PTPRT: variants seen among roughly 807,000 people sequenced by gnomAD.
The protein encoded by PTPRT is protein tyrosine phosphatase receptor type T, also known as receptor-type tyrosine-protein phosphatase T.
PTPRT carries 56 observed loss-of-function variants against 176.8 expected under a neutral mutation model. The ratio of observed to expected loss-of-function variants is 0.32; its 90% CI spans 0.26 to 0.40. The LOEUF is 0.40. Among genes scored for constraint, PTPRT ranks in the 10% least tolerant of loss-of-function variants. PTPRT has a pLI of 1.00. For synonymous variants in PTPRT, 783 were observed against 739.0 expected (o/e 1.06, Z -0.96); for missense variants, 1,540 against 1,908.2 (o/e 0.81, Z 3.60).
At chr20:42,320,089 C>A (rs994110340) in intron 11 of PTPRT, among the ~76,000 whole-genome samples, 1 of 152,118 alleles carries the variant, frequency 6.6e-6, no homozygotes, top group Non-Finnish European at 1.5e-5. Flanking sequence ...ATTACTTATG[C>A]CAAGGATCTC....
chr20:42,337,281 C>G (rs140242677), intron 11 of PTPRT, among the ~76,000 whole-genome samples: 12 of 152,254 alleles, frequency 7.9e-5, no homozygotes, highest in African/African-American at 2.9e-4. Flanking sequence ...CTTAGCAGAG[C>G]TATTGATGAA....
At chr20:43,182,394 C>CTT (rs780419199) in intron 1 of PTPRT, among the ~76,000 whole-genome samples, 1 of 146,506 alleles carries the variant, frequency 6.8e-6, no homozygotes. Flanking sequence ...CATCTTCCTT[C>CTT]TTTTTTTTTT....
chr20:42,868,046 C>T (rs2078780441), intron 2 of PTPRT, among the ~76,000 whole-genome samples: 1 of 151,960 alleles, frequency 6.6e-6, no homozygotes, highest in Admixed American at 6.6e-5. Context: ...GAAATTAATA[C>T]CGAGAAGTAG....
chr20:42,384,260 T>C (rs1452115800), intron 9 of PTPRT, among the ~76,000 whole-genome samples: 7 of 152,314 alleles, frequency 4.6e-5, no homozygotes, highest in Non-Finnish European at 8.8e-5. Context: ...CACAGACCCA[T>C]TAACAAATTC....
At chr20:43,086,845 C>A (rs900714248) in intron 1 of PTPRT, among the ~76,000 whole-genome samples, 2 of 152,106 alleles carry the variant, frequency 1.3e-5, no homozygotes, top group Non-Finnish European at 2.9e-5. Flanking sequence ...TAGGTAAATG[C>A]CAGCAGAACT....
intron 13 of PTPRT, among the ~76,000 whole-genome samples, chr20:42,276,545 A>ATATATATATATT (rs2057040056): frequency 3.2e-5 from 2 of 63,384 alleles, no homozygotes; most frequent in Non-Finnish European, 5.9e-5. Context: ...ATATATATAT[A>ATATATATATATT]TATATATATA....
At chr20:43,159,807 T>C (rs1490492205) in intron 1 of PTPRT, among the ~76,000 whole-genome samples, 1 of 152,074 alleles carries the variant, frequency 6.6e-6, no homozygotes, top group Non-Finnish European at 1.5e-5. Flanking sequence ...CCCCAAGGTA[T>C]GCTTCATGTC....
intron 7 of PTPRT, among the ~76,000 whole-genome samples, chr20:42,526,952 T>G (rs1368178577): frequency 1.4e-5 from 2 of 147,004 alleles, no homozygotes; most frequent in African/African-American, 5.1e-5. Flanking sequence ...CTTGGTTCTT[T>G]TTTCTTTTTT....
intron 6 of PTPRT, among the ~76,000 whole-genome samples, chr20:42,704,553 A>G (rs1372724361): frequency 1.3e-5 from 2 of 151,992 alleles, no homozygotes; most frequent in Non-Finnish European, 2.9e-5. Context: ...ACTAAATACC[A>G]TTCTGGGCCT....
At chr20:42,119,616 T>G (rs1483674024) in intron 20 of PTPRT, among the ~76,000 whole-genome samples, 1 of 152,210 alleles carries the variant, frequency 6.6e-6, no homozygotes, top group Non-Finnish European at 1.5e-5. Context: ...GGCACCTGCT[T>G]GGGCCTCTCC....
chr20:42,768,752 G>A (rs2145451033), intron 5 of PTPRT, among the ~76,000 whole-genome samples: 1 of 152,258 alleles, frequency 6.6e-6, no homozygotes, highest in Non-Finnish European at 1.5e-5. Flanking sequence ...AAAGCCACCT[G>A]GAAGACGTTT....
chr20:42,713,838 C>T (rs904133485), intron 6 of PTPRT, among the ~76,000 whole-genome samples: 2 of 152,174 alleles, frequency 1.3e-5, no homozygotes, highest in African/African-American at 4.8e-5. Flanking sequence ...CTCTCTCTTC[C>T]TCCAGTTCGG....
At chr20:42,476,645 C>G (rs370005294) in intron 7 of PTPRT, among the ~76,000 whole-genome samples, 21 of 152,250 alleles carry the variant, frequency 1.4e-4, no homozygotes, top group African/African-American at 5.1e-4. Flanking sequence ...ATTCCAAAGG[C>G]AAGAAGGACT....
intron 6 of PTPRT, among the ~76,000 whole-genome samples, chr20:42,679,833 T>C (rs901503462): frequency 1.3e-5 from 2 of 152,210 alleles, no homozygotes; most frequent in Admixed American, 1.3e-4. Flanking sequence ...GTTGTTCATG[T>C]TTTGCTATGG....
At chr20:42,246,997 TG>T (rs763470118) in intron 14 of PTPRT, among the ~76,000 whole-genome samples, 22 of 152,216 alleles carry the variant, frequency 1.4e-4, no homozygotes, top group Non-Finnish European at 2.8e-4. Context: ...GACTAGTCAC[TG>T]GGACATATAA....
intron 7 of PTPRT, among the ~76,000 whole-genome samples, chr20:42,476,001 G>A (rs1209696157): frequency 6.6e-6 from 1 of 152,156 alleles, no homozygotes; most frequent in African/African-American, 2.4e-5. Context: ...CGAGACTCTG[G>A]CACTCACTAT....
rs192515325 is a variant in PTPRT at position 43,031,560 on chromosome 20, C to T, written c.89-145628G>A. Reference sequence around the variant, plus strand: ...AAGGGACTAAGACACTGGCACAACACTTTCCAGTACGTTCTATTTTTACAG... The same window carrying T: ...AAGGGACTAAGACACTGGCACAACATTTTCCAGTACGTTCTATTTTTACAG... On this transcript the variant is annotated intron_variant, in intron 1 of 30. Coordinates refer to ENST00000373187, the MANE Select transcript of PTPRT (RefSeq NM_007050.6). Among the ~76,000 whole-genome samples the T allele has an allele frequency of 1.7e-3, 254 of 152,298 alleles. 1 individual carries two copies. Among genetic ancestry groups the T allele is most frequent in the African/African-American group, 5.4e-3 (224 of 41,564 alleles).
intron 1 of PTPRT, among the ~76,000 whole-genome samples, chr20:43,044,596 G>A (rs188913450): frequency 2.8e-4 from 42 of 152,238 alleles, no homozygotes; most frequent in African/African-American, 9.6e-4. Flanking sequence ...CCTCCCTGCC[G>A]CATGCCCTTG....
At chr20:42,979,982 AGG>A (rs1180055689) in intron 1 of PTPRT, among the ~76,000 whole-genome samples, 1 of 9,474 alleles carries the variant, frequency 1.1e-4, no homozygotes, top group Non-Finnish European at 2.0e-4. Context: ...CCGGCCGGGA[AGG>A]GGGGGTGGGG....
Sources: allele counts gnomAD v4.1 joint callset (sites outside exome capture counted in the v4.1 genomes callset), GRCh38; gene constraint gnomAD v4.1.1; transcripts MANE v1.5; gene names NCBI Gene and HGNC (gene_info 2026-07-23, HGNC 2026-07-21).